The following SP100 variants were observed in gnomAD, a reference collection of about 807,000 sequenced individuals.
SP100 encodes SP100 nuclear body protein.
In SP100, 84 loss-of-function variants were observed where a neutral mutation model predicts 130.0. That is an observed-to-expected ratio of 0.65 (90% CI 0.54 to 0.77). The LOEUF is 0.77. SP100 is among the 30% of genes least tolerant of loss of function. The pLI is 0.00. For missense variants in SP100, 978 were observed against 1,052.2 expected, an observed-to-expected ratio of 0.93 and a Z score of 0.97; for synonymous variants, 331 against 351.7, an observed-to-expected ratio of 0.94 and a Z score of 0.66.
Position 230,504,176 on chromosome 2 carries a change from T to A in SP100, c.1766-10T>A, listed in dbSNP as rs1053038940. On this transcript the variant is annotated splice_polypyrimidine_tract_variant and intron_variant, in intron 20 of 28. Coordinates refer to ENST00000340126, the MANE Select transcript of SP100 (RefSeq NM_001080391.2). ...GTAGATGGAATGGAAAAAAAAATGCTTCCTTGCAGGTCCAAGAATTCCCAA... is the reference window on the plus strand; with the variant it reads ...GTAGATGGAATGGAAAAAAAAATGCATCCTTGCAGGTCCAAGAATTCCCAA... 1.9e-6 allele frequency: 3 copies of A among 1,544,110 alleles called. No individual in the cohort carries two copies. Among genetic ancestry groups the A allele is most frequent in the Non-Finnish European group, 2.7e-6 (3 of 1,118,018 alleles).
intron 24 of SP100, among the ~76,000 whole-genome samples, chr2:230,519,357 T>C (rs1041762927): frequency 4.6e-5 from 7 of 152,228 alleles, no homozygotes; most frequent in African/African-American, 1.7e-4. Flanking sequence ...TGTCATTCGT[T>C]AGTCTTGGGT....
intron 13 of SP100, 57 bp from the exon 14 acceptor site, chr2:230,468,986 A>G: frequency 9.1e-7 from 1 of 1,093,420 alleles, no homozygotes. Context: ...AAGCAGTCAT[A>G]AGATTTATAG....
At chr2:230,498,149 G>A (rs2066801334) in intron 18 of SP100, among the ~76,000 whole-genome samples, 2 of 152,168 alleles carry the variant, frequency 1.3e-5, no homozygotes, top group Admixed American at 1.3e-4. Flanking sequence ...AAGCACTTAA[G>A]TCTTAGCCCT....
At chr2:230,422,665 T>C (rs1559479325) in intron 2 of SP100, among the ~76,000 whole-genome samples, 1 of 152,236 alleles carries the variant, frequency 6.6e-6, no homozygotes, top group Non-Finnish European at 1.5e-5. Context: ...TGATCTTTGC[T>C]TCTTTTCTGC....
In SP100 at chr2:230,539,283, T is replaced by C. The variant is rs1308441380; in HGVS notation, c.2111T>C (p.Ile704Thr). The C allele has an allele frequency of 6.2e-7, 1 of 1,613,544 alleles. No individual in the cohort carries two copies. Among genetic ancestry groups the C allele is most frequent in the Non-Finnish European group, 8.5e-7 (1 of 1,179,610 alleles). Residue 704 changes from isoleucine (I) to threonine (T), a missense_variant, in exon 25 of 29, where the codon ATA becomes ACA. Coordinates refer to ENST00000340126, the MANE Select transcript of SP100 (RefSeq NM_001080391.2). Reference protein sequence around the residue: ...LVDPCPENSNICEVCNKWGRL... With the variant: ...LVDPCPENSNTCEVCNKWGRL... The stretch of plus-strand genomic sequence containing the variant: ...CCCTTCTAGCCGGAAAACTCAAATA[T>C]ATGTGAGGTGTGCAACAAATGGGGA...
At chr2:230,540,226 G>A (rs979127500) in intron 25 of SP100, among the ~76,000 whole-genome samples, 20 of 152,178 alleles carry the variant, frequency 1.3e-4, no homozygotes, top group African/African-American at 4.1e-4. Context: ...GCACTACATG[G>A]CCAAGGGGAT....
intron 24 of SP100, among the ~76,000 whole-genome samples, chr2:230,516,982 CA>C (rs1159310430): frequency 1.3e-5 from 2 of 152,052 alleles, no homozygotes; most frequent in Non-Finnish European, 2.9e-5. Context: ...AAGACTTAAT[CA>C]AAATTATGAC....
intron 27 of SP100, 73 bp downstream of exon 27, chr2:230,541,445 G>A: frequency 2.3e-6 from 3 of 1,308,352 alleles, no homozygotes; most frequent in African/African-American, 1.5e-5. Flanking sequence ...ATGGCACAAG[G>A]TGCCATTCTA....
At chr2:230,499,430 C>T (rs1397626544) in intron 19 of SP100, among the ~76,000 whole-genome samples, 1 of 57,092 alleles carries the variant, frequency 1.8e-5, no homozygotes, top group Non-Finnish European at 4.0e-5. Context: ...AGTTTTAACA[C>T]CTAAAACTCT....
chr2:230,473,659 A>G (rs977163392), intron 16 of SP100, among the ~76,000 whole-genome samples: 1 of 152,242 alleles, frequency 6.6e-6, no homozygotes, highest in South Asian at 2.1e-4. Flanking sequence ...ACTGTGACAA[A>G]GAACAGGTTT....
At chr2:230,502,919 T>C in intron 19 of SP100, 147 bp from the exon 20 acceptor site, 1 of 588,142 alleles carries the variant, frequency 1.7e-6, no homozygotes, top group Non-Finnish European at 3.1e-6. Context: ...TTACTATCTG[T>C]CCCTTTACAA....
chr2:230,541,984 G>T lies in SP100; in HGVS notation c.2496G>T (p.Gly832=). The change falls in exon 28 of 29, where the codon GGG becomes GGT. Residue 832 remains glycine (G), a synonymous_variant. Coordinates refer to ENST00000340126, the MANE Select transcript of SP100 (RefSeq NM_001080391.2). ...LNEQMYTRVE[G]FVQDMRLIFH... ...AGCAGATGTACACCCGAGTAGAAGG[G>T]TTTGTGCAGGACATGCGTCTCATCT... 1 of 1,614,148 alleles carries T rather than the reference G, an allele frequency of 6.2e-7. No homozygotes were observed. Among genetic ancestry groups the T allele is most frequent in the Non-Finnish European group, 8.5e-7 (1 of 1,179,990 alleles).
At chr2:230,500,229 GA>G (rs1383894834) in intron 19 of SP100, among the ~76,000 whole-genome samples, 1 of 152,108 alleles carries the variant, frequency 6.6e-6, no homozygotes, top group Non-Finnish European at 1.5e-5. Context: ...GTAGACCCAA[GA>G]ACAGTTAAGT....
intron 17 of SP100, among the ~76,000 whole-genome samples, chr2:230,488,735 T>C (rs1402957081): frequency 3.3e-5 from 5 of 152,178 alleles, no homozygotes; most frequent in Non-Finnish European, 7.4e-5. Flanking sequence ...CATGAAGGGA[T>C]GTTGAATTTT....
chr2:230,502,905 C>T (rs143601839), intron 19 of SP100, among the ~76,000 whole-genome samples, 161 bp from the exon 20 acceptor site: 42 of 152,282 alleles, frequency 2.8e-4, no homozygotes, highest in African/African-American at 9.1e-4. Flanking sequence ...AAAACCTTAA[C>T]TACTTACTAT....
intron 23 of SP100, chr2:230,508,994 A>C (rs1019765844): frequency 7.9e-5 from 12 of 151,650 alleles, no homozygotes; most frequent in Non-Finnish European, 2.9e-5. Context: ...CGAGTTCTTC[A>C]GGTGAAAATT....
intron 2 of SP100, among the ~76,000 whole-genome samples, chr2:230,434,779 G>A (rs905478729): frequency 6.6e-6 from 1 of 152,196 alleles, no homozygotes; most frequent in Non-Finnish European, 1.5e-5. Context: ...TCTATGCTAA[G>A]TAGAGAAAAT....
Position 230,541,002 on chromosome 2 carries a change from T to TA in SP100, c.2331+11dup, listed in dbSNP as rs776717916. On this transcript the variant is annotated splice_region_variant and intron_variant, in intron 26 of 28. Coordinates refer to ENST00000340126, the MANE Select transcript of SP100 (RefSeq NM_001080391.2). ...TGCTGCCTGAGGAGCAGTTGGTGAG[T>TA]AAAAATGTGAACCTGAAGCCTCTTC... 3 of 1,606,896 alleles carry TA rather than the reference T, an allele frequency of 1.9e-6. No individual in the cohort carries two copies. Among genetic ancestry groups the TA allele is most frequent in the South Asian group, 1.1e-5 (1 of 90,490 alleles).
At chr2:230,476,725 T>A (rs1300435214) in intron 17 of SP100, among the ~76,000 whole-genome samples, 1 of 152,212 alleles carries the variant, frequency 6.6e-6, no homozygotes, top group Admixed American at 6.5e-5. Context: ...ATATAAAAAG[T>A]CTTATTTCAG....
Sources: allele counts gnomAD v4.1 joint callset (sites outside exome capture counted in the v4.1 genomes callset), GRCh38; gene constraint gnomAD v4.1.1; transcripts MANE v1.5; gene names NCBI Gene and HGNC (gene_info 2026-07-23, HGNC 2026-07-21).